Variants in ROS1 observed in about 807,000 individuals in gnomAD.
ROS1 encodes proto-oncogene tyrosine-protein kinase ROS.
A neutral mutation model predicts 273.5 loss-of-function variants in ROS1; 263 were observed. The observed-to-expected ratio is 0.96, with a 90% confidence interval of 0.87 to 1.06. The LOEUF is 1.06. Ranked by LOEUF, ROS1 falls within the 50% of genes least tolerant of loss-of-function variation. The pLI is 0.00. For missense variants in ROS1, 2,833 were observed against 2,751.1 expected, an observed-to-expected ratio of 1.03 and a Z score of -0.67; for synonymous variants, 1,008 against 954.1, an observed-to-expected ratio of 1.06 and a Z score of -1.04.
chr6:117,338,123 C>T (rs1777609811), intron 31 of ROS1, among the ~76,000 whole-genome samples: 1 of 151,918 alleles, frequency 6.6e-6, no homozygotes, highest in South Asian at 2.1e-4. Context: ...TAGGAAAAGA[C>T]AAAAAGATAT....
At chr6:117,368,168 A>G (rs1582758584) in intron 18 of ROS1, among the ~76,000 whole-genome samples, 2 of 152,270 alleles carry the variant, frequency 1.3e-5, no homozygotes, top group African/African-American at 4.8e-5. Context: ...GAAATTTTGC[A>G]ATTATTTTTG....
intron 24 of ROS1, among the ~76,000 whole-genome samples, chr6:117,358,823 CA>C (rs1362373019): frequency 7.9e-5 from 12 of 152,100 alleles, no homozygotes; most frequent in Non-Finnish European, 1.5e-4. Flanking sequence ...CTCATCCCCT[CA>C]CTCAGGCCCA....
At chr6:117,295,416 A>C (rs1421752925) in intron 43 of ROS1, among the ~76,000 whole-genome samples, 1 of 152,230 alleles carries the variant, frequency 6.6e-6, no homozygotes, top group Non-Finnish European at 1.5e-5. Context: ...AATCTCCAGG[A>C]CATTGGTTGG....
Position 117,304,953 on chromosome 6 carries a change from CTG to C in ROS1, c.6552-3818_6552-3817del, listed in dbSNP as rs1006467969. 5.9e-5 allele frequency among the ~76,000 whole-genome samples: 9 copies of C among 152,238 alleles called. No individual in the cohort carries two copies. The South Asian group carries it at 1.5e-3, about 25-fold the overall frequency. ...CCTCCTGTTCTGGCCATGGGAAAGA[CTG>C]TGCCTGCTTCCCCTTCACCCTCTGC... On this transcript the variant is annotated intron_variant, in intron 42 of 43. Coordinates refer to ENST00000368507, the MANE Select transcript of ROS1 (RefSeq NM_001378902.1).
chr6:117,425,739 A>T lies in ROS1; in HGVS notation c.-83T>A. The stretch of plus-strand genomic sequence containing the variant: ...TGAATTATTTGGGCTTCATCACTTC[A>T]ATTGGAGGAGTAGCTGATGGATTTT... On this transcript the variant is annotated 5_prime_UTR_variant, in exon 1 of 44. Coordinates refer to ENST00000368507, the MANE Select transcript of ROS1 (RefSeq NM_001378902.1). The T allele has an allele frequency of 6.9e-7, 1 of 1,439,038 alleles. No homozygotes were observed. The allele number at this position is 1,439,038 out of a possible 1,614,324, so 89.1% of individuals were successfully genotyped here.
chr6:117,366,044 G>A, intron 19 of ROS1, 32 bp downstream of exon 19: 2 of 1,493,236 alleles, frequency 1.3e-6, no homozygotes, highest in Non-Finnish European at 1.9e-6. Flanking sequence ...AAGGTATAGT[G>A]GAGTAGGGTA....
chr6:117,362,305 T>C (rs1231255453), intron 22 of ROS1, among the ~76,000 whole-genome samples: 1 of 147,858 alleles, frequency 6.8e-6, no homozygotes, highest in Non-Finnish European at 1.5e-5. Flanking sequence ...GTCCTTTAAT[T>C]ATTCTTCTGT....
Position 117,425,537 on chromosome 6 carries a change from A to G in ROS1, c.120T>C (p.Asn40=). The change falls in exon 1 of 44, where the codon AAT becomes AAC. Residue 40 remains asparagine (N), a synonymous_variant. Transcript: ENST00000368507. ...LNSCLKSCVT[N]LGQQLDLGTP... ...AATATTAGATTGTGAGACTTACCAG[A>G]TTAGTTACACACGACTTTAGGCAGC... 6.3e-7 allele frequency: 1 copy of G among 1,593,386 alleles called. No individual in the cohort carries two copies. The highest frequency in any genetic ancestry group is 2.3e-5 in the East Asian group (1 of 44,010).
intron 27 of ROS1, among the ~76,000 whole-genome samples, chr6:117,346,412 T>C (rs1472584055): frequency 6.6e-6 from 1 of 152,012 alleles, no homozygotes; most frequent in Non-Finnish European, 1.5e-5. Context: ...CTCCATTTTT[T>C]AAAGAAAATA....
At chr6:117,388,628 A>G (rs1772791381) in intron 13 of ROS1, among the ~76,000 whole-genome samples, 1 of 152,200 alleles carries the variant, frequency 6.6e-6, no homozygotes. Context: ...GACTGTCTTC[A>G]CACTACAACG....
chr6:117,299,803 A>G (rs1277233596), intron 43 of ROS1, among the ~76,000 whole-genome samples: 8 of 152,236 alleles, frequency 5.3e-5, no homozygotes, highest in Non-Finnish European at 1.0e-4. Context: ...AATTAGGCAT[A>G]CATAACAGTA....
chr6:117,288,739 G>A lies in ROS1; in HGVS notation c.6779C>T (p.Thr2260Met), dbSNP rs781588795. ...ATAGTTTAACCCTTCTCGGTTCTTC[G>A]TTTCCATTAAAGCAACTGGCATAAT... ...DDIMPVALME[T>M]KNREGLNYMV... Residue 2260 changes from threonine to methionine, a missense_variant, in exon 44 of 44, where the codon ACG becomes ATG. Thr to Met is a moderately conservative substitution (Grantham distance 81, BLOSUM62 -1). Transcript: ENST00000368507. The A allele has an allele frequency of 2.1e-5, 34 of 1,613,538 alleles. No homozygotes were observed. Among genetic ancestry groups the A allele is most frequent in the East Asian group, 4.5e-5 (2 of 44,874 alleles).
At position 117,329,472 on chromosome 6, in the gene ROS1, G is replaced by A. The variant is rs766960941; in HGVS notation, c.5231-26C>T. 15 of 1,061,082 alleles carry A rather than the reference G, an allele frequency of 1.4e-5. No homozygotes were observed. In the Admixed American group the frequency reaches 2.3e-4, roughly 16 times the overall value. 65.7% of individuals were successfully genotyped at this position (1,061,082 alleles called of 1,614,324 possible). ...CTTTAGGGAAAAAAAGAAAATATTGGTTGATATGTTTGAAGTATTAATCTT... is the reference window on the plus strand; with the variant it reads ...CTTTAGGGAAAAAAAGAAAATATTGATTGATATGTTTGAAGTATTAATCTT... On this transcript the variant is annotated intron_variant, in intron 32 of 43. Coordinates refer to ENST00000368507, the MANE Select transcript of ROS1 (RefSeq NM_001378902.1).
intron 1 of ROS1, among the ~76,000 whole-genome samples, chr6:117,421,675 T>C (rs1775769312): frequency 2.0e-5 from 3 of 152,210 alleles, no homozygotes; most frequent in Non-Finnish European, 4.4e-5. Context: ...TGATGGACAC[T>C]TATACTTCTT....
chr6:117,413,571 G>T lies in ROS1; in HGVS notation c.255+948C>A, dbSNP rs146644754. On this transcript the variant is annotated intron_variant, in intron 4 of 43. Coordinates refer to ENST00000368507, the MANE Select transcript of ROS1 (RefSeq NM_001378902.1). ...GAGAAAATCAAGTGTAGCAGAGGTT[G>T]CTTAGAGCACCGTAAGGACACCTGG... Among the ~76,000 whole-genome samples, 515 of 152,316 alleles carry T rather than the reference G, an allele frequency of 3.4e-3. 1 individual carries two copies. The highest frequency in any genetic ancestry group is 0.012 in the African/African-American group (490 of 41,582).
At chr6:117,328,211 C>T (rs1487345029) in intron 33 of ROS1, among the ~76,000 whole-genome samples, 3 of 152,174 alleles carry the variant, frequency 2.0e-5, no homozygotes, top group African/African-American at 7.2e-5. Flanking sequence ...TATTTTGAGA[C>T]ACTGAAGTTA....
intron 9 of ROS1, among the ~76,000 whole-genome samples, chr6:117,395,608 A>C (rs1441972482): frequency 1.3e-5 from 2 of 152,152 alleles, no homozygotes; most frequent in Non-Finnish European, 2.9e-5. Flanking sequence ...AAGCATTTTC[A>C]TTTGTTATTT....
chr6:117,301,318 G>A (rs746938522), intron 42 of ROS1, 181 bp from the exon 43 acceptor site: 42 of 476,982 alleles, frequency 8.8e-5, no homozygotes, highest in Middle Eastern at 8.7e-4. Context: ...ACATTACTAC[G>A]TTTATTAGAT....
intron 1 of ROS1, among the ~76,000 whole-genome samples, chr6:117,420,145 G>C (rs1475810906): frequency 6.6e-6 from 1 of 151,884 alleles, no homozygotes; most frequent in Non-Finnish European, 1.5e-5. Context: ...AAATTACCTG[G>C]ATTAGGATTT....
Sources: gnomAD v4.1 joint callset for allele counts (sites outside exome capture counted in the v4.1 genomes callset) on GRCh38, gnomAD v4.1.1 for gene constraint, MANE v1.5 for transcripts, NCBI Gene and HGNC (gene_info 2026-07-23, HGNC 2026-07-21) for gene names.